The following COX7B2 variants were observed in gnomAD, a reference collection of about 807,000 sequenced individuals.
The protein encoded by COX7B2 is cytochrome c oxidase subunit 7B2.
For missense variants in COX7B2, 109 were observed against 95.9 expected, an observed-to-expected ratio of 1.14 and a Z score of -0.57; for synonymous variants, 37 against 32.1, an observed-to-expected ratio of 1.15 and a Z score of -0.51.
At chr4:46,869,680 A>G (rs1381684291) in intron 1 of COX7B2, among the ~76,000 whole-genome samples, 2 of 151,872 alleles carry the variant, frequency 1.3e-5, no homozygotes, top group Non-Finnish European at 2.9e-5. Context: ...TTTTTTCTTT[A>G]ATAATGTTGA....
chr4:46,860,754 T>C (rs1717288903), intron 1 of COX7B2, among the ~76,000 whole-genome samples: 1 of 152,166 alleles, frequency 6.6e-6, no homozygotes, highest in South Asian at 2.1e-4. Flanking sequence ...GTACGTTTCA[T>C]TTACAGTTTT....
intron 2 of COX7B2, among the ~76,000 whole-genome samples, chr4:46,805,273 G>T (rs1217989761): frequency 6.6e-6 from 1 of 152,228 alleles, no homozygotes; most frequent in African/African-American, 2.4e-5. Context: ...TCCTCAAGTG[G>T]GGCCAGAGTG....
At chr4:46,906,075 C>A (rs999641346) in intron 1 of COX7B2, among the ~76,000 whole-genome samples, 1 of 151,718 alleles carries the variant, frequency 6.6e-6, no homozygotes, top group Admixed American at 6.6e-5. Flanking sequence ...ATGATCCACC[C>A]GCCTCGGCCT....
intron 2 of COX7B2, among the ~76,000 whole-genome samples, chr4:46,771,679 G>C (rs6832420): frequency 0.015 from 2,297 of 151,926 alleles, 61 homozygotes; most frequent in African/African-American, 0.051. Context: ...ATACTCACTG[G>C]AGCATTTCAG....
At chr4:46,761,936 A>T (rs1044256214) in intron 2 of COX7B2, among the ~76,000 whole-genome samples, 32 of 151,094 alleles carry the variant, frequency 2.1e-4, no homozygotes, top group East Asian at 9.7e-4. Context: ...TTTTTTTTTT[A>T]AAACCATTGA....
chr4:46,869,800 T>C (rs1287367482), intron 1 of COX7B2, among the ~76,000 whole-genome samples: 4 of 152,166 alleles, frequency 2.6e-5, no homozygotes, highest in African/African-American at 2.4e-5. Context: ...TTTAGCTGCC[T>C]TTAAATTATT....
rs143408346 is a variant in COX7B2 at position 46,738,232 on chromosome 4, T to A, written c.-49-2991A>T. Among the ~76,000 whole-genome samples the A allele has an allele frequency of 2.7e-3, 412 of 152,250 alleles. 9 individuals carry two copies. Among genetic ancestry groups the A allele is most frequent in the Admixed American group, 0.025 (387 of 15,282 alleles). On this transcript the variant is annotated intron_variant, in intron 2 of 2. Coordinates refer to ENST00000355591, the MANE Select transcript of COX7B2 (RefSeq NM_130902.3). Reference sequence around the variant, plus strand: ...GCTGCTTTATGACAAATTGATTTCATTTTTCTTATACTCATGATGTTACAT... The same window carrying A: ...GCTGCTTTATGACAAATTGATTTCAATTTTCTTATACTCATGATGTTACAT...
At chr4:46,769,124 A>T (rs925167347) in intron 2 of COX7B2, among the ~76,000 whole-genome samples, 2 of 152,004 alleles carry the variant, frequency 1.3e-5, no homozygotes, top group Non-Finnish European at 2.9e-5. Context: ...AACTTAAAGT[A>T]TAATAATAAT....
intron 2 of COX7B2, among the ~76,000 whole-genome samples, chr4:46,808,792 T>C (rs1719139351): frequency 6.6e-6 from 1 of 151,936 alleles, no homozygotes; most frequent in Admixed American, 6.6e-5. Context: ...ATTGAGATGA[T>C]CACGTGGTTT....
rs191514581 is a variant in COX7B2, at chr4:46,776,587, C to G, written c.-49-41346G>C. On this transcript the variant is annotated intron_variant, in intron 2 of 2. Coordinates refer to ENST00000355591, the MANE Select transcript of COX7B2 (RefSeq NM_130902.3). Reference sequence around the variant, plus strand: ...GGGAATTCAGAGAAGGGGAGAAGATCAAAAAATATCAGTCTCTCCTGGGTT... The same window carrying G: ...GGGAATTCAGAGAAGGGGAGAAGATGAAAAAATATCAGTCTCTCCTGGGTT... Among the ~76,000 whole-genome samples the G allele has an allele frequency of 3.9e-5, 6 of 152,016 alleles. No homozygotes were observed. In the South Asian group the frequency reaches 6.2e-4, roughly 16 times the overall value.
chr4:46,899,182 CT>C (rs1560444518), intron 1 of COX7B2, among the ~76,000 whole-genome samples: 2 of 152,124 alleles, frequency 1.3e-5, no homozygotes, highest in Admixed American at 1.3e-4. Context: ...GATCCCTCTC[CT>C]TTTTCAACTA....
chr4:46,805,433 T>C (rs529831126), intron 2 of COX7B2, among the ~76,000 whole-genome samples: 1 of 152,378 alleles, frequency 6.6e-6, no homozygotes, highest in South Asian at 2.1e-4. Context: ...TGAGACTATG[T>C]TATAGATGGG....
At chr4:46,754,352 G>A (rs1202422691) in intron 2 of COX7B2, among the ~76,000 whole-genome samples, 96 of 151,222 alleles carry the variant, frequency 6.3e-4, no homozygotes, top group African/African-American at 2.1e-3. Flanking sequence ...AGAAAATGTG[G>A]CACATATACA....
chr4:46,903,351 C>T (rs955864336), intron 1 of COX7B2, among the ~76,000 whole-genome samples: 19 of 152,074 alleles, frequency 1.2e-4, no homozygotes, highest in Non-Finnish European at 2.1e-4. Flanking sequence ...TGCCACATAA[C>T]AACATTTCGG....
chr4:46,825,130 C>A (rs1714596036), intron 2 of COX7B2, among the ~76,000 whole-genome samples: 1 of 151,848 alleles, frequency 6.6e-6, no homozygotes, highest in Non-Finnish European at 1.5e-5. Context: ...GATCTAAAAA[C>A]CCCCCAGTCT....
intron 2 of COX7B2, among the ~76,000 whole-genome samples, chr4:46,805,204 G>A (rs1718934495): frequency 6.6e-6 from 1 of 152,194 alleles, no homozygotes; most frequent in Non-Finnish European, 1.5e-5. Context: ...GAGGGAGCCG[G>A]CTCTGGCCTT....
At chr4:46,896,759 C>T (rs2109884533) in intron 1 of COX7B2, among the ~76,000 whole-genome samples, 1 of 152,286 alleles carries the variant, frequency 6.6e-6, no homozygotes, top group Non-Finnish European at 1.5e-5. Flanking sequence ...AAGCAACAGG[C>T]ACCCTCTGCT....
intron 2 of COX7B2, among the ~76,000 whole-genome samples, chr4:46,767,376 C>A (rs934298856): frequency 9.2e-5 from 14 of 152,112 alleles, no homozygotes; most frequent in African/African-American, 3.4e-4. Context: ...AAAATTTACA[C>A]AACTGAAGGG....
rs534415162 is a variant in COX7B2 at position 46,886,878 on chromosome 4, G to A, written c.-105+22282C>T. ...ACAGATTTAAGGAACACTTGATAAA[G>A]GAAAGAGAAAACCCTTATGTGTACA... is the stretch of plus-strand genomic sequence containing the variant. On this transcript the variant is annotated intron_variant, in intron 1 of 2. Coordinates refer to ENST00000355591, the MANE Select transcript of COX7B2 (RefSeq NM_130902.3). Among the ~76,000 whole-genome samples the A allele has an allele frequency of 5.8e-4, 89 of 152,212 alleles. 1 individual carries two copies. The highest frequency in any genetic ancestry group is 1.1e-3 in the Non-Finnish European group (73 of 67,990).
Sources: gnomAD v4.1 joint callset for allele counts (sites outside exome capture counted in the v4.1 genomes callset) on GRCh38, gnomAD v4.1.1 for gene constraint, MANE v1.5 for transcripts, NCBI Gene and HGNC (gene_info 2026-07-23, HGNC 2026-07-21) for gene names.